KCNN2: variants seen among roughly 807,000 people sequenced by gnomAD.
The protein encoded by KCNN2 is small conductance calcium-activated potassium channel protein 2.
Under a neutral mutation model 55.5 loss-of-function variants are expected in KCNN2, and 24 were observed. The observed-to-expected ratio is 0.43, with a 90% CI of 0.31 to 0.61. KCNN2 has a LOEUF of 0.61. Among genes scored for constraint, KCNN2 ranks in the 20% least tolerant of loss-of-function variants. KCNN2 has a pLI of 0.08. For missense variants in KCNN2, 754 were observed against 853.6 expected (o/e 0.88, Z 1.45); for synonymous variants, 431 against 336.1 (o/e 1.28, Z -3.09).
At chr5:114,158,413 G>A (rs911323948) in intron 1 of KCNN2, among the ~76,000 whole-genome samples, 2 of 152,024 alleles carry the variant, frequency 1.3e-5, no homozygotes, top group Non-Finnish European at 2.9e-5. Context: ...TAGCCTTGTA[G>A]TATAGTTTGA....
chr5:114,455,038 A>G (rs1002396161), intron 3 of KCNN2, among the ~76,000 whole-genome samples: 9 of 150,892 alleles, frequency 6.0e-5, no homozygotes, highest in East Asian at 3.9e-4. Flanking sequence ...TTAATATTCA[A>G]TTTTCTATCC....
At chr5:114,291,963 G>T (rs1312801115) in intron 2 of KCNN2, among the ~76,000 whole-genome samples, 1 of 152,106 alleles carries the variant, frequency 6.6e-6, no homozygotes, top group African/African-American at 2.4e-5. Flanking sequence ...ATTTTTTCAT[G>T]TGTTTTTTGG....
chr5:114,147,761 G>C (rs1752428443), intron 1 of KCNN2, among the ~76,000 whole-genome samples: 1 of 152,128 alleles, frequency 6.6e-6, no homozygotes, highest in East Asian at 1.9e-4. Flanking sequence ...AGTAATTTTT[G>C]AAAATCATTT....
chr5:114,480,845 T>C (rs1247420668), intron 5 of KCNN2, among the ~76,000 whole-genome samples: 1 of 152,112 alleles, frequency 6.6e-6, no homozygotes, highest in Admixed American at 6.5e-5. Context: ...CTCAATAAAC[T>C]AGGTACTGAA....
intron 2 of KCNN2, among the ~76,000 whole-genome samples, chr5:114,259,424 A>G (rs1272394916): frequency 6.6e-6 from 1 of 152,130 alleles, no homozygotes; most frequent in African/African-American, 2.4e-5. Flanking sequence ...GCTGTGCCTC[A>G]GTAGGGTGCC....
intron 1 of KCNN2, among the ~76,000 whole-genome samples, chr5:114,167,725 A>G (rs11747037): frequency 0.31 from 46,637 of 152,014 alleles, 7,783 homozygotes; most frequent in Non-Finnish European, 0.38. Flanking sequence ...GAAAATGTAC[A>G]AACTGATTGG....
intron 2 of KCNN2, among the ~76,000 whole-genome samples, chr5:114,370,065 T>A (rs1334850281): frequency 1.3e-5 from 2 of 152,082 alleles, no homozygotes; most frequent in Non-Finnish European, 2.9e-5. Flanking sequence ...ATTTGCTACT[T>A]TGGGAGTACA....
chr5:114,366,760 A>G (rs1335416062), intron 2 of KCNN2, among the ~76,000 whole-genome samples: 2 of 152,198 alleles, frequency 1.3e-5, no homozygotes, highest in Non-Finnish European at 2.9e-5. Flanking sequence ...TTTTTTCATA[A>G]AAAGTTTTAA....
intron 2 of KCNN2, among the ~76,000 whole-genome samples, chr5:114,300,323 T>C (rs1756128251): frequency 6.6e-6 from 1 of 152,178 alleles, no homozygotes. Context: ...AGTGAGTGCT[T>C]TTCTGTTTTT....
intron 1 of KCNN2, among the ~76,000 whole-genome samples, chr5:114,151,698 C>T (rs1193080451): frequency 6.6e-6 from 1 of 151,968 alleles, no homozygotes; most frequent in African/African-American, 2.4e-5. Context: ...GAGTCACCAC[C>T]TCAGCTGCTA....
intron 2 of KCNN2, among the ~76,000 whole-genome samples, chr5:114,254,669 A>G (rs950737028): frequency 6.6e-6 from 1 of 152,210 alleles, no homozygotes; most frequent in African/African-American, 2.4e-5. Flanking sequence ...CTGTATTTTA[A>G]TAGAGCTTTT....
At chr5:114,175,131 G>GATTAA (rs1753109669) in intron 1 of KCNN2, among the ~76,000 whole-genome samples, 1 of 152,090 alleles carries the variant, frequency 6.6e-6, no homozygotes, top group Non-Finnish European at 1.5e-5. Flanking sequence ...TTTCAGAAAT[G>GATTAA]TTTTTCTAAA....
intron 2 of KCNN2, among the ~76,000 whole-genome samples, chr5:114,270,791 G>A (rs901319178): frequency 1.1e-4 from 17 of 152,228 alleles, no homozygotes; most frequent in African/African-American, 3.6e-4. Flanking sequence ...ATGAAGCCAC[G>A]GACCCTCGTG....
intron 1 of KCNN2, among the ~76,000 whole-genome samples, chr5:114,074,440 C>T (rs1216867760): frequency 6.6e-6 from 1 of 151,602 alleles, no homozygotes; most frequent in Admixed American, 6.6e-5. Flanking sequence ...CAACAAAATC[C>T]CCCTCACTTA....
chr5:114,230,318 A>G (rs1202209585), intron 2 of KCNN2, among the ~76,000 whole-genome samples: 1 of 135,818 alleles, frequency 7.4e-6, no homozygotes, highest in East Asian at 2.2e-4. Context: ...GTTTTAGGGT[A>G]CATGTGCACA....
chr5:114,320,329 C>T (rs920447006), intron 2 of KCNN2, among the ~76,000 whole-genome samples: 2 of 152,064 alleles, frequency 1.3e-5, no homozygotes, highest in African/African-American at 4.8e-5. Flanking sequence ...AAACATTCAT[C>T]CAGGCCGGGT....
intron 1 of KCNN2, among the ~76,000 whole-genome samples, chr5:114,150,237 A>T (rs914996857): frequency 1.3e-5 from 2 of 152,140 alleles, no homozygotes; most frequent in Non-Finnish European, 2.9e-5. Context: ...TACATACCTG[A>T]CTTCAAACTA....
chr5:114,161,001 T>G (rs1462211700), intron 1 of KCNN2, among the ~76,000 whole-genome samples: 2 of 152,228 alleles, frequency 1.3e-5, no homozygotes, highest in East Asian at 1.9e-4. Context: ...TTAGTCCATT[T>G]ACATTTAAGG....
At chr5:114,162,500 G>A (rs1308556704) in intron 1 of KCNN2, among the ~76,000 whole-genome samples, 1 of 152,210 alleles carries the variant, frequency 6.6e-6, no homozygotes, top group Admixed American at 6.5e-5. Context: ...CAGGCTGTGT[G>A]CTGGGAGAAC....
Sources: gnomAD v4.1 joint callset for allele counts (sites outside exome capture counted in the v4.1 genomes callset) on GRCh38, gnomAD v4.1.1 for gene constraint, MANE v1.5 for transcripts, NCBI Gene and HGNC (gene_info 2026-07-23, HGNC 2026-07-21) for gene names.